Variants in OLFM3 observed in about 807,000 individuals in gnomAD.
The protein encoded by OLFM3 is noelin-3.
A neutral mutation model predicts 48.6 loss-of-function variants in OLFM3; 20 were observed. That is an observed-to-expected ratio of 0.41 (90% CI 0.29 to 0.60). The LOEUF (loss-of-function observed/expected upper bound fraction) is 0.60, where lower values mean the gene tolerates loss of function less well. OLFM3 is among the 20% of genes least tolerant of loss of function. OLFM3 has a pLI of 0.28. For synonymous variants in OLFM3, 222 were observed against 198.1 expected, an observed-to-expected ratio of 1.12 and a Z score of -1.01; for missense variants, 437 against 544.3, an observed-to-expected ratio of 0.80 and a Z score of 1.96.
At chr1:101,940,496 A>G (rs766408882) in intron 1 of OLFM3, among the ~76,000 whole-genome samples, 2 of 151,272 alleles carry the variant, frequency 1.3e-5, no homozygotes, top group Admixed American at 6.6e-5. Flanking sequence ...CTATCTTTCA[A>G]TCATCTATCT....
chr1:101,836,217 A>G (rs558612491), intron 2 of OLFM3, among the ~76,000 whole-genome samples: 3 of 152,342 alleles, frequency 2.0e-5, no homozygotes, highest in African/African-American at 7.2e-5. Flanking sequence ...TGAAAGTCTG[A>G]GTGAGAATAT....
chr1:101,860,752 A>T (rs1255457507), intron 1 of OLFM3, among the ~76,000 whole-genome samples: 1 of 152,108 alleles, frequency 6.6e-6, no homozygotes, highest in Non-Finnish European at 1.5e-5. Flanking sequence ...TCCAAAAATC[A>T]GTGGCTCAAG....
intron 1 of OLFM3, among the ~76,000 whole-genome samples, chr1:101,858,365 C>G (rs1322749096): frequency 6.6e-6 from 1 of 152,012 alleles, no homozygotes; most frequent in Non-Finnish European, 1.5e-5. Context: ...ATGCTAGACA[C>G]TAAATGCTAG....
intron 1 of OLFM3, among the ~76,000 whole-genome samples, chr1:101,981,387 A>T (rs906074089): frequency 1.3e-5 from 2 of 152,232 alleles, no homozygotes; most frequent in African/African-American, 4.8e-5. Context: ...TATCATTCCA[A>T]TCAGCATCAT....
At chr1:101,881,044 C>G (rs1314985646) in intron 1 of OLFM3, among the ~76,000 whole-genome samples, 3 of 151,782 alleles carry the variant, frequency 2.0e-5, no homozygotes, top group African/African-American at 7.3e-5. Context: ...AAGGTTAATA[C>G]TTTTTGGGAC....
At chr1:101,974,193 T>G (rs1660887325) in intron 1 of OLFM3, among the ~76,000 whole-genome samples, 1 of 152,168 alleles carries the variant, frequency 6.6e-6, no homozygotes, top group Non-Finnish European at 1.5e-5. Context: ...ACAACTATTT[T>G]CACCCACTAT....
intron 1 of OLFM3, among the ~76,000 whole-genome samples, chr1:101,927,974 G>A (rs1659325420): frequency 6.6e-6 from 1 of 151,888 alleles, no homozygotes; most frequent in Non-Finnish European, 1.5e-5. Context: ...AACATATGAA[G>A]AGAATGATAT....
Position 101,970,163 on chromosome 1 carries a change from G to A in OLFM3, c.69+26585C>T, listed in dbSNP as rs1010693899. 4.6e-5 allele frequency among the ~76,000 whole-genome samples: 7 copies of A among 152,024 alleles called. No individual in the cohort carries two copies. The East Asian group carries it at 1.4e-3, about 30-fold the overall frequency. On this transcript the variant is annotated intron_variant, in intron 1 of 5. Transcript: ENST00000370103. ...CCCTAGTAACTGGGACTACAGGTGT[G>A]CACTACCACACCCCGCTAATTTTTT... is the stretch of plus-strand genomic sequence containing the variant.
intron 2 of OLFM3, among the ~76,000 whole-genome samples, chr1:101,834,304 C>T (rs1334904507): frequency 6.6e-6 from 1 of 152,144 alleles, no homozygotes. Flanking sequence ...AGAAAGATAA[C>T]TATCCCTTCT....
intron 1 of OLFM3, among the ~76,000 whole-genome samples, chr1:101,913,824 C>A (rs1044546673): frequency 6.6e-6 from 1 of 151,918 alleles, no homozygotes; most frequent in Non-Finnish European, 1.5e-5. Context: ...AACAGAAATA[C>A]AATGATTTAA....
At chr1:101,842,053 A>G (rs1655746361) in intron 1 of OLFM3, among the ~76,000 whole-genome samples, 1 of 152,154 alleles carries the variant, frequency 6.6e-6, no homozygotes, top group African/African-American at 2.4e-5. Context: ...CGCCAAAAGA[A>G]GCTGTGTTCT....
intron 1 of OLFM3, among the ~76,000 whole-genome samples, chr1:101,973,996 T>G (rs1476700762): frequency 3.4e-5 from 5 of 147,716 alleles, no homozygotes; most frequent in Non-Finnish European, 7.6e-5. Context: ...TCTGAGGACT[T>G]TGGTTCATTT....
At chr1:101,923,298 GA>G (rs1659159543) in intron 1 of OLFM3, among the ~76,000 whole-genome samples, 1 of 152,142 alleles carries the variant, frequency 6.6e-6, no homozygotes, top group African/African-American at 2.4e-5. Flanking sequence ...TATAATATAA[GA>G]TATGGTAGAA....
intron 1 of OLFM3, among the ~76,000 whole-genome samples, chr1:101,969,358 G>A (rs1035901406): frequency 1.3e-5 from 2 of 150,350 alleles, no homozygotes; most frequent in African/African-American, 4.9e-5. Flanking sequence ...GTAGAGGCAA[G>A]GTTTTGCCAT....
In OLFM3 at chr1:101,804,178, G is replaced by T. The variant is rs982896049; in HGVS notation, c.*60C>A. 3.9e-6 allele frequency: 5 copies of T among 1,284,504 alleles called. No homozygotes were observed. Among genetic ancestry groups the T allele is most frequent in the Non-Finnish European group, 5.3e-6 (5 of 938,994 alleles). The allele number at this position is 1,284,504 out of a possible 1,614,324, so 79.6% of individuals were successfully genotyped here. On this transcript the variant is annotated 3_prime_UTR_variant, in exon 6 of 6. Transcript: ENST00000370103. This position sits in a 1 kb window ranked among gnomAD's most constrained non-coding sequence, Gnocchi z 4.5. ...AATAGTGAAGAAAAAAACGGAAGGG[G>T]TCTTATAGAGTTTATCACAAATCAC...
At chr1:101,861,296 A>C (rs1656645475) in intron 1 of OLFM3, among the ~76,000 whole-genome samples, 1 of 151,602 alleles carries the variant, frequency 6.6e-6, no homozygotes, top group Non-Finnish European at 1.5e-5. Flanking sequence ...TCCTGACCTC[A>C]AGTGATTTGG....
At chr1:101,853,426 G>T (rs1656297965) in intron 1 of OLFM3, among the ~76,000 whole-genome samples, 1 of 151,752 alleles carries the variant, frequency 6.6e-6, no homozygotes. Flanking sequence ...ATTGTCTTTT[G>T]CTGCTTTACT....
chr1:101,810,131 G>T (rs1188415120), intron 4 of OLFM3, among the ~76,000 whole-genome samples: 1 of 151,820 alleles, frequency 6.6e-6, no homozygotes, highest in Non-Finnish European at 1.5e-5. Flanking sequence ...GGAGGTAAGA[G>T]ATTTTTCCTA....
intron 1 of OLFM3, among the ~76,000 whole-genome samples, chr1:101,865,596 A>G (rs1242547123): frequency 1.3e-5 from 2 of 152,214 alleles, no homozygotes; most frequent in Non-Finnish European, 2.9e-5. Flanking sequence ...GCAGCAGGTC[A>G]TTCAGCAGCG....
Sources: allele counts gnomAD v4.1 joint callset (sites outside exome capture counted in the v4.1 genomes callset), GRCh38; gene constraint gnomAD v4.1.1; non-coding constraint Gnocchi (gnomAD v3.1); transcripts MANE v1.5; gene names NCBI Gene and HGNC (gene_info 2026-07-23, HGNC 2026-07-21).